The following RGS17 variants were observed in gnomAD, a reference collection of about 807,000 sequenced individuals.
RGS17 encodes the protein regulator of G-protein signaling 17.
Under a neutral mutation model 25.5 loss-of-function variants are expected in RGS17, and 12 were observed. The ratio of observed to expected loss-of-function variants is 0.47; its 90% CI spans 0.30 to 0.76. The LOEUF is 0.76. RGS17 is among the 30% of genes least tolerant of loss of function. RGS17 has a pLI of 0.07. For synonymous variants in RGS17, 71 were observed against 76.9 expected, an observed-to-expected ratio of 0.92 and a Z score of 0.40; for missense variants, 196 against 242.2, an observed-to-expected ratio of 0.81 and a Z score of 1.27.
intron 1 of RGS17, among the ~76,000 whole-genome samples, chr6:153,093,016 A>T (rs1477264877): frequency 1.3e-5 from 2 of 152,198 alleles, no homozygotes; most frequent in African/African-American, 4.8e-5. Flanking sequence ...AAATAACTTA[A>T]AGAAACCAAA....
At chr6:153,123,434 G>C (rs1047058834) in intron 1 of RGS17, among the ~76,000 whole-genome samples, 7 of 152,108 alleles carry the variant, frequency 4.6e-5, no homozygotes, top group African/African-American at 1.7e-4. Context: ...TCCATACTTA[G>C]ATATATTAAC....
chr6:153,036,460 T>C (rs1196471611), intron 2 of RGS17, among the ~76,000 whole-genome samples: 1 of 152,198 alleles, frequency 6.6e-6, no homozygotes, highest in Non-Finnish European at 1.5e-5. Context: ...CTGAGGTTTC[T>C]GTCTGTAGCT....
At chr6:153,039,048 A>G (rs1196838136) in intron 2 of RGS17, among the ~76,000 whole-genome samples, 1 of 152,202 alleles carries the variant, frequency 6.6e-6, no homozygotes, top group Non-Finnish European at 1.5e-5. Flanking sequence ...AGTCCAGTGC[A>G]GTGGGCCAAA....
intron 1 of RGS17, among the ~76,000 whole-genome samples, chr6:153,110,950 G>T (rs1777460838): frequency 6.6e-6 from 1 of 152,162 alleles, no homozygotes. Context: ...CGCAGACCAG[G>T]AGATTCCCTC....
At chr6:153,043,855 G>T in intron 2 of RGS17, 45 bp downstream of exon 2, 2 of 1,207,244 alleles carry the variant, frequency 1.7e-6, no homozygotes, top group Non-Finnish European at 2.4e-6. Context: ...TCACACTAGT[G>T]CCTGCCAAGC....
At chr6:153,129,676 T>C (rs1397917162) in intron 1 of RGS17, among the ~76,000 whole-genome samples, 3 of 152,212 alleles carry the variant, frequency 2.0e-5, no homozygotes, top group African/African-American at 4.8e-5. Flanking sequence ...TTTCTCTTTA[T>C]TATTTGTGAA....
intron 1 of RGS17, among the ~76,000 whole-genome samples, chr6:153,123,644 G>A (rs1285560587): frequency 3.3e-5 from 5 of 152,076 alleles, no homozygotes; most frequent in Non-Finnish European, 4.4e-5. Context: ...TGAGGATTCT[G>A]GGGTTTTGGT....
chr6:153,027,888 G>C (rs1779320062), intron 2 of RGS17, among the ~76,000 whole-genome samples: 1 of 152,180 alleles, frequency 6.6e-6, no homozygotes, highest in African/African-American at 2.4e-5. Context: ...TTAGGAAGAG[G>C]TGCCCAACAA....
At chr6:153,104,920 G>C (rs1388981146) in intron 1 of RGS17, among the ~76,000 whole-genome samples, 1 of 151,814 alleles carries the variant, frequency 6.6e-6, no homozygotes, top group Non-Finnish European at 1.5e-5. Flanking sequence ...TGGATATCTG[G>C]GGGAGGAACA....
At chr6:153,048,181 CATT>C (rs1421508895) in intron 1 of RGS17, among the ~76,000 whole-genome samples, 1 of 152,204 alleles carries the variant, frequency 6.6e-6, no homozygotes, top group Non-Finnish European at 1.5e-5. Flanking sequence ...AATCTGCCCT[CATT>C]ATCTTTTCCC....
chr6:153,091,991 C>T (rs1344659748), intron 1 of RGS17, among the ~76,000 whole-genome samples: 1 of 152,126 alleles, frequency 6.6e-6, no homozygotes, highest in Non-Finnish European at 1.5e-5. Context: ...AAAATTCCCA[C>T]CTTTGGGAAA....
rs73627253 is a variant in RGS17, at chr6:153,096,679, A to G, written c.-26+34445T>C. 9.9e-3 allele frequency among the ~76,000 whole-genome samples: 1,510 copies of G among 152,326 alleles called. 24 individuals are homozygous for G. Among genetic ancestry groups the G allele is most frequent in the African/African-American group, 0.034 (1,432 of 41,566 alleles). On this transcript the variant is annotated intron_variant, in intron 1 of 4. Transcript: ENST00000206262. The stretch of plus-strand genomic sequence containing the variant: ...AAAATGTAAAATGTATGTAAACTTT[A>G]GGAAATTTTTTCTATGAGGAATATT...
At chr6:153,013,666 G>A (rs1477978833) in intron 4 of RGS17, among the ~76,000 whole-genome samples, 1 of 152,176 alleles carries the variant, frequency 6.6e-6, no homozygotes, top group Non-Finnish European at 1.5e-5. Flanking sequence ...TTACTCCAGT[G>A]AACATGTGAA....
intron 1 of RGS17, among the ~76,000 whole-genome samples, chr6:153,071,241 T>G (rs1271212776): frequency 6.6e-6 from 1 of 151,122 alleles, no homozygotes; most frequent in Non-Finnish European, 1.5e-5. Context: ...CACATACACA[T>G]AAACTATAAG....
chr6:153,052,421 T>C (rs942668989), intron 1 of RGS17, among the ~76,000 whole-genome samples: 1 of 152,102 alleles, frequency 6.6e-6, no homozygotes, highest in Non-Finnish European at 1.5e-5. Context: ...GGATATCTAT[T>C]CTACATCTGT....
intron 1 of RGS17, among the ~76,000 whole-genome samples, chr6:153,129,576 T>C (rs1777754745): frequency 6.6e-6 from 1 of 152,208 alleles, no homozygotes; most frequent in African/African-American, 2.4e-5. Context: ...GAAGGGTTCA[T>C]CACCCGGAAA....
At chr6:153,027,772 T>A (rs1483595940) in intron 2 of RGS17, among the ~76,000 whole-genome samples, 1 of 152,104 alleles carries the variant, frequency 6.6e-6, no homozygotes, top group Non-Finnish European at 1.5e-5. Context: ...TATTTCTGAG[T>A]GCCTGCTATG....
At chr6:153,072,849 C>T in intron 1 of RGS17, among the ~76,000 whole-genome samples, 1 of 30,930 alleles carries the variant, frequency 3.2e-5, no homozygotes, top group Non-Finnish European at 5.7e-5. Flanking sequence ...AAATTCAGCA[C>T]TTAATACCTG....
intron 2 of RGS17, among the ~76,000 whole-genome samples, chr6:153,041,169 CAAAT>C (rs1171152484): frequency 6.6e-6 from 1 of 151,776 alleles, no homozygotes; most frequent in Non-Finnish European, 1.5e-5. Flanking sequence ...GTCTCAAATA[CAAAT>C]AAATAAATAA....
Sources: allele counts gnomAD v4.1 joint callset (sites outside exome capture counted in the v4.1 genomes callset), GRCh38; gene constraint gnomAD v4.1.1; transcripts MANE v1.5; gene names NCBI Gene and HGNC (gene_info 2026-07-23, HGNC 2026-07-21).